The following CACNA1G variants were observed in gnomAD, a reference collection of about 807,000 sequenced individuals.
CACNA1G encodes the protein calcium voltage-gated channel subunit alpha1 G, also known as voltage-dependent T-type calcium channel subunit alpha-1G.
CACNA1G carries 67 observed loss-of-function variants against 219.4 expected under a neutral mutation model. The ratio of observed to expected loss-of-function variants is 0.31; its 90% CI spans 0.25 to 0.37. The LOEUF is 0.37. CACNA1G is among the 10% of genes least tolerant of loss of function. The probability of loss-of-function intolerance (pLI) is 1.00; values close to 1 mark genes in which losing one functional copy is unlikely to be tolerated. For missense variants in CACNA1G, 2,380 were observed against 3,231.4 expected, an observed-to-expected ratio of 0.74 and a Z score of 6.39; for synonymous variants, 1,296 against 1,345.3, an observed-to-expected ratio of 0.96 and a Z score of 0.80.
rs1200083887 is a variant in CACNA1G at position 50,617,417 on chromosome 17, G to T, written c.5022-21G>T. On this transcript the variant is annotated intron_variant, in intron 28 of 37. Coordinates refer to ENST00000359106, the MANE Select transcript of CACNA1G (RefSeq NM_018896.5). This position sits in a 1 kb window ranked among gnomAD's most constrained non-coding sequence, Gnocchi z 5.8. ...GGAACCCCCTCCCCCAACTCAGGGA[G>T]CTGTATTCTGGGCTTTCCAGGTGGA... 1 of 1,604,732 alleles carries T rather than the reference G, an allele frequency of 6.2e-7. No individual in the cohort carries two copies. Among genetic ancestry groups the T allele is most frequent in the Non-Finnish European group, 8.5e-7 (1 of 1,173,296 alleles).
Position 50,560,896 on chromosome 17 carries a change from G to A in CACNA1G, c.-564G>A, listed in dbSNP as rs1287917690. 6.6e-6 allele frequency among the ~76,000 whole-genome samples: 1 copy of A among 151,570 alleles called. No individual in the cohort carries two copies. The highest frequency in any genetic ancestry group is 2.4e-5 in the African/African-American group (1 of 41,306). ...ACTGTCTCCCCGCCCCTCCCGGACA[G>A]TGAGCCCGCGGCGGGGCGGGGGAAG... On this transcript the variant is annotated 5_prime_UTR_variant, in exon 1 of 38. It adds an upstream start codon to the 5' untranslated region. Coordinates refer to ENST00000359106, the MANE Select transcript of CACNA1G (RefSeq NM_018896.5).
At chr17:50,609,769 G>A (rs1311024461) in intron 25 of CACNA1G, 113 bp from the exon 26 acceptor site, 16 of 859,922 alleles carry the variant, frequency 1.9e-5, no homozygotes, top group Middle Eastern at 2.2e-4. Context: ...TGGGCTCAGC[G>A]CACCCCACCC....
rs774910704 is a variant in CACNA1G, at chr17:50,591,969, C to T, written c.2787C>T (p.Leu929=). 1.9e-6 allele frequency: 3 copies of T among 1,613,888 alleles called. No individual in the cohort carries two copies. Among genetic ancestry groups the T allele is most frequent in the Non-Finnish European group, 2.5e-6 (3 of 1,179,874 alleles). ...CCCAGGAGGACTGGAACAAAGTCCT[C>T]TACAATGGTATGGCCTCCACGTCGT... The part of the protein sequence containing the change: ...ILTQEDWNKV[L]YNGMASTSSW... Residue 929 remains leucine, a synonymous_variant, in exon 13 of 38, where the codon CTC becomes CTT. Coordinates refer to ENST00000359106, the MANE Select transcript of CACNA1G (RefSeq NM_018896.5).
rs564151660 is a variant in CACNA1G at position 50,596,848 on chromosome 17, G to T, written c.3183G>T (p.Ala1061=). Reference sequence around the variant, plus strand: ...GCACCAGCACGGGCCTGGGCGAGGCGCTGGGCCCTGCGTCGCGCCGCACCA... The same window carrying T: ...GCACCAGCACGGGCCTGGGCGAGGCTCTGGGCCCTGCGTCGCGCCGCACCA... The part of the protein sequence containing the change: ...PKSTSTGLGE[A]LGPASRRTSS... The change falls in exon 16 of 38, where the codon GCG becomes GCT. Residue 1061 remains alanine, a synonymous_variant. Transcript: ENST00000359106. This position sits in a 1 kb window ranked among gnomAD's most constrained non-coding sequence, Gnocchi z 4.8. 6.2e-7 allele frequency: 1 copy of T among 1,603,084 alleles called. No homozygotes were observed.
Position 50,603,294 on chromosome 17 carries a change from C to A in CACNA1G, c.4169+95C>A. On this transcript the variant is annotated intron_variant, in intron 21 of 37. Coordinates refer to ENST00000359106, the MANE Select transcript of CACNA1G (RefSeq NM_018896.5). The surrounding 1 kb of genome is among the most constrained non-coding windows in gnomAD (Gnocchi z 6.4). ...AGCACTCCCTGCCACGAAACAAAAG[C>A]CTGCACAGGCCAGCATCCTGTCTGT... The A allele has an allele frequency of 9.2e-7, 1 of 1,088,944 alleles. No individual in the cohort carries two copies. Among genetic ancestry groups the A allele is most frequent in the East Asian group, 2.6e-5 (1 of 38,590 alleles). 67.5% of individuals were successfully genotyped at this position (1,088,944 alleles called of 1,614,324 possible). A position where few individuals can be genotyped will look rare whatever the true frequency, so the allele number is the denominator to read the frequency against.
At chr17:50,607,782 G>A (rs1471466226) in intron 24 of CACNA1G, 45 bp from the exon 25 acceptor site, 2 of 1,565,012 alleles carry the variant, frequency 1.3e-6, no homozygotes, top group East Asian at 4.5e-5. Flanking sequence ...AAGACAGCTT[G>A]CCCTCGGGCT....
At chr17:50,601,204 C>T (rs1316598743) in intron 19 of CACNA1G, 30 bp downstream of exon 19, 1 of 1,612,162 alleles carries the variant, frequency 6.2e-7, no homozygotes, top group Admixed American at 1.7e-5. Flanking sequence ...CAGGGCAAGG[C>T]CTCTCCTGGG....
At position 50,578,587 on chromosome 17, in the gene CACNA1G, G is replaced by A; in HGVS notation, c.2301+23G>A. On this transcript the variant is annotated intron_variant, in intron 9 of 37. Coordinates refer to ENST00000359106, the MANE Select transcript of CACNA1G (RefSeq NM_018896.5). The surrounding 1 kb of genome is among the most constrained non-coding windows in gnomAD (Gnocchi z 4.5). Reference sequence around the variant, plus strand: ...CAGGTAGGAGAGTGGGCAGAGGCAGGGCTCCTGCCAGCTGCTTTTCGCCTG... The same window carrying A: ...CAGGTAGGAGAGTGGGCAGAGGCAGAGCTCCTGCCAGCTGCTTTTCGCCTG... 1 of 1,520,282 alleles carries A rather than the reference G, an allele frequency of 6.6e-7. No individual in the cohort carries two copies. Among genetic ancestry groups the A allele is most frequent in the African/African-American group, 1.4e-5 (1 of 71,812 alleles). 94.2% of individuals were successfully genotyped at this position (1,520,282 alleles called of 1,614,324 possible).
At position 50,624,498 on chromosome 17, in the gene CACNA1G, C is replaced by A. The variant is rs1264876481; in HGVS notation, c.6368C>A (p.Ser2123Tyr). The change falls in exon 37 of 38, where the codon TCC becomes TAC. Residue 2123 changes from serine (S) to tyrosine (Y), a missense_variant. This residue lies in a region of CACNA1G where 672 missense variants were observed against 670.5 expected (regional missense o/e 1.00). Transcript: ENST00000359106. ...TIPKLPPPGR[S>Y]PLAQRPLRRQ... ...CCCAAACTGCCCCCACCAGGACGCT[C>A]CCCTTTGGCTCAGAGGCCACTCAGG... The A allele has an allele frequency of 3.8e-6, 6 of 1,598,956 alleles. No individual in the cohort carries two copies. The highest frequency in any genetic ancestry group is 5.1e-6 in the Non-Finnish European group (6 of 1,173,180).
intron 13 of CACNA1G, among the ~76,000 whole-genome samples, chr17:50,592,360 C>T (rs922567984): frequency 6.6e-6 from 1 of 152,178 alleles, no homozygotes; most frequent in Non-Finnish European, 1.5e-5. Context: ...GTTGGCTAGA[C>T]CCCTTCCCCA....
intron 27 of CACNA1G, 56 bp downstream of exon 27, chr17:50,615,568 G>T (rs571826916): frequency 1.9e-6 from 3 of 1,583,194 alleles, no homozygotes; most frequent in African/African-American, 2.7e-5. Context: ...AGGAACCTCT[G>T]GGCAAGGTTA....
rs142645610 is a variant in CACNA1G at position 50,571,404 on chromosome 17, G to A, written c.587-474G>A. ...AAGTGACTGTGCCTGTTGAGAGAAG[G>A]AAGTAGGTAGGGAGTGTGCGTGTGA... is the stretch of plus-strand genomic sequence containing the variant. On this transcript the variant is annotated intron_variant, in intron 4 of 37. Transcript: ENST00000359106. The surrounding 1 kb of genome is among the most constrained non-coding windows in gnomAD (Gnocchi z 4.3). Among the ~76,000 whole-genome samples, 48 of 152,294 alleles carry A rather than the reference G, an allele frequency of 3.2e-4. No individual in the cohort carries two copies. The highest frequency in any genetic ancestry group is 5.7e-4 in the Non-Finnish European group (39 of 68,024).
Position 50,596,492 on chromosome 17 carries a change from G to A in CACNA1G, c.2980-70G>A. ...ATGTGGTGTGCGTGTGTGAAGAGAG[G>A]GAGGCCCGGTCCATCCCAACCACCC... On this transcript the variant is annotated intron_variant, in intron 14 of 37. Coordinates refer to ENST00000359106, the MANE Select transcript of CACNA1G (RefSeq NM_018896.5). The surrounding 1 kb of genome is among the most constrained non-coding windows in gnomAD (Gnocchi z 4.8). 1 of 1,241,834 alleles carries A rather than the reference G, an allele frequency of 8.1e-7. No homozygotes were observed. Among genetic ancestry groups the A allele is most frequent in the East Asian group, 2.3e-5 (1 of 42,656 alleles). 76.9% of individuals were successfully genotyped at this position (1,241,834 alleles called of 1,614,324 possible). A position where few individuals can be genotyped will look rare whatever the true frequency, so the allele number is the denominator to read the frequency against.
In CACNA1G at chr17:50,561,267, C is replaced by T. The variant is rs2035513611; in HGVS notation, c.-193C>T. ...CGCCGGGCGGGGTTTCCCTGCGCCC[C>T]GGCGCCCCGCGGGCAGCATGCCCCT... On this transcript the variant is annotated 5_prime_UTR_variant, in exon 1 of 38. Coordinates refer to ENST00000359106, the MANE Select transcript of CACNA1G (RefSeq NM_018896.5). 3.3e-6 allele frequency: 2 copies of T among 598,776 alleles called. No homozygotes were observed. Among genetic ancestry groups the T allele is most frequent in the Non-Finnish European group, 5.6e-6 (2 of 358,242 alleles). 37.1% of individuals were successfully genotyped at this position (598,776 alleles called of 1,614,324 possible). A position where few individuals can be genotyped will look rare whatever the true frequency, so the allele number is the denominator to read the frequency against.
intron 8 of CACNA1G, among the ~76,000 whole-genome samples, chr17:50,576,935 G>T (rs1031728087): frequency 6.6e-6 from 1 of 152,238 alleles, no homozygotes; most frequent in Non-Finnish European, 1.5e-5. Flanking sequence ...GACACTCCCA[G>T]TGTCGTGGGG....
intron 10 of CACNA1G, 53 bp downstream of exon 10, chr17:50,590,675 G>C (rs929540736): frequency 6.3e-7 from 1 of 1,575,866 alleles, no homozygotes; most frequent in Non-Finnish European, 8.7e-7. Context: ...AGCAGGGGTG[G>C]CTTGGGGCCA....
At chr17:50,573,145 G>T in intron 7 of CACNA1G, 32 bp downstream of exon 7, 1 of 1,471,170 alleles carries the variant, frequency 6.8e-7, no homozygotes, top group Non-Finnish European at 9.3e-7. Flanking sequence ...CGTGGGGATG[G>T]GCGATCCTGG....
chr17:50,617,379 GC>G lies in CACNA1G; in HGVS notation c.5022-54del, dbSNP rs1469126894. On this transcript the variant is annotated intron_variant, in intron 28 of 37. Transcript: ENST00000359106. The surrounding 1 kb of genome is among the most constrained non-coding windows in gnomAD (Gnocchi z 5.8). ...AGCCCTGTCTTTCTGTGCCACGACT[GC>G]CCCCTCCTTCAGGAACCCCCTCCCC... 16 of 1,558,060 alleles carry G rather than the reference GC, an allele frequency of 1.0e-5. No homozygotes were observed. The highest frequency in any genetic ancestry group is 1.3e-5 in the Non-Finnish European group (15 of 1,145,326).
intron 9 of CACNA1G, among the ~76,000 whole-genome samples, chr17:50,583,204 C>A (rs1352036559): frequency 6.6e-6 from 1 of 152,292 alleles, no homozygotes; most frequent in African/African-American, 2.4e-5. Flanking sequence ...GGAGCCCTGG[C>A]TGAAGAGCTA....
Sources: gnomAD v4.1 joint callset for allele counts (sites outside exome capture counted in the v4.1 genomes callset) on GRCh38, gnomAD v4.1.1 for gene constraint, gnomAD v4.1.1 regional missense constraint, Gnocchi (gnomAD v3.1) non-coding constraint, MANE v1.5 for transcripts, NCBI Gene and HGNC (gene_info 2026-07-23, HGNC 2026-07-21) for gene names.